The following SEL1L2 variants were observed in gnomAD, a reference collection of about 807,000 sequenced individuals.
SEL1L2 encodes SEL1L2 adaptor subunit of SYVN1 ubiquitin ligase, also known as protein sel-1 homolog 2.
In SEL1L2, 89 loss-of-function variants were observed where a neutral mutation model predicts 98.8. The ratio of observed to expected loss-of-function variants is 0.90; its 90% confidence interval spans 0.76 to 1.07. The LOEUF is 1.07. Ranked by LOEUF, SEL1L2 falls within the 50% of genes least tolerant of loss-of-function variation. The pLI, the probability that SEL1L2 is intolerant of heterozygous loss-of-function variation, is 0.00. For missense variants in SEL1L2, 788 were observed against 812.0 expected (o/e 0.97, Z 0.36); for synonymous variants, 262 against 278.5 (o/e 0.94, Z 0.59).
At chr20:13,949,985 A>G (rs186047235) in intron 2 of SEL1L2, among the ~76,000 whole-genome samples, 3 of 152,328 alleles carry the variant, frequency 2.0e-5, no homozygotes, top group Non-Finnish European at 2.9e-5. Flanking sequence ...ATGAACTATG[A>G]TTACATATTT....
chr20:13,870,737 A>G (rs1379937588), intron 12 of SEL1L2, among the ~76,000 whole-genome samples: 4 of 152,126 alleles, frequency 2.6e-5, no homozygotes, highest in Non-Finnish European at 5.9e-5. Flanking sequence ...ATCCTGGCCA[A>G]CATGGTGAAA....
intron 1 of SEL1L2, among the ~76,000 whole-genome samples, chr20:13,964,467 T>TC (rs35361048): frequency 2.1e-5 from 3 of 145,932 alleles, no homozygotes; most frequent in Admixed American, 6.9e-5. Flanking sequence ...TTTTTTTTTT[T>TC]CTGAGACAGA....
At chr20:13,859,538 T>C (rs1035681520) in intron 17 of SEL1L2, 104 bp from the exon 18 acceptor site, 8 of 994,786 alleles carry the variant, frequency 8.0e-6, no homozygotes, top group African/African-American at 4.9e-5. Context: ...AAAATATATA[T>C]GTATCTATAG....
intron 4 of SEL1L2, among the ~76,000 whole-genome samples, chr20:13,917,773 T>C (rs1331808159): frequency 6.7e-6 from 1 of 148,554 alleles, no homozygotes; most frequent in African/African-American, 2.5e-5. Context: ...ATACTTTCTT[T>C]ATTTCTTTCT....
intron 1 of SEL1L2, among the ~76,000 whole-genome samples, chr20:13,973,624 C>T (rs550672874): frequency 4.6e-5 from 7 of 152,274 alleles, no homozygotes; most frequent in Non-Finnish European, 8.8e-5. Flanking sequence ...GCACAAATGC[C>T]GACCACAAAT....
At chr20:13,892,946 GT>G (rs2047266518) in intron 5 of SEL1L2, among the ~76,000 whole-genome samples, 1 of 152,160 alleles carries the variant, frequency 6.6e-6, no homozygotes, top group Non-Finnish European at 1.5e-5. Context: ...TGAAGAAATG[GT>G]CACACTTTCT....
chr20:13,958,732 C>T (rs1011524078), intron 1 of SEL1L2, among the ~76,000 whole-genome samples: 9 of 151,156 alleles, frequency 6.0e-5, no homozygotes, highest in Admixed American at 3.3e-4. Flanking sequence ...GTCAGGAGAT[C>T]GAGACCATCC....
intron 1 of SEL1L2, among the ~76,000 whole-genome samples, chr20:13,987,309 CTGTTT>C (rs2052250303): frequency 1.3e-5 from 1 of 76,246 alleles, no homozygotes; most frequent in East Asian, 3.9e-4. Flanking sequence ...TGTTAATTTA[CTGTTT>C]TTTTTTTTTT....
chr20:13,885,990 T>C (rs868768759), intron 9 of SEL1L2, among the ~76,000 whole-genome samples: 114 of 152,028 alleles, frequency 7.5e-4, no homozygotes, highest in African/African-American at 2.7e-3. Flanking sequence ...TGAGCCGAGA[T>C]TGTGCCACTG....
chr20:13,943,582 A>T (rs1369265962), intron 2 of SEL1L2, among the ~76,000 whole-genome samples: 1 of 152,000 alleles, frequency 6.6e-6, no homozygotes, highest in Non-Finnish European at 1.5e-5. Context: ...TTGCTAAATG[A>T]CATTCATTCA....
At chr20:13,992,805 C>T (rs1227693863), upstream of SEL1L2, among the ~76,000 whole-genome samples, 1 of 152,058 alleles carries the variant, frequency 6.6e-6, no homozygotes, top group African/African-American at 2.4e-5. Flanking sequence ...AAGATGGCTA[C>T]CTTCTTGCTG....
chr20:13,948,446 T>C (rs976774993), intron 2 of SEL1L2, among the ~76,000 whole-genome samples: 14 of 152,126 alleles, frequency 9.2e-5, no homozygotes, highest in Admixed American at 7.8e-4. Context: ...AGCCCAGAAA[T>C]AAAGCTTCTC....
At chr20:13,964,721 T>A (rs951000226) in intron 1 of SEL1L2, among the ~76,000 whole-genome samples, 7 of 152,126 alleles carry the variant, frequency 4.6e-5, no homozygotes, top group Non-Finnish European at 7.4e-5. Flanking sequence ...TCCAAAGTGC[T>A]GGCGGCCATC....
chr20:13,939,161 A>C (rs1044301840), intron 2 of SEL1L2, among the ~76,000 whole-genome samples: 1 of 149,966 alleles, frequency 6.7e-6, no homozygotes, highest in African/African-American at 2.5e-5. Flanking sequence ...CTCCTGCCTC[A>C]GCCTCCTGAG....
chr20:13,994,364 G>A (rs779016334), upstream of SEL1L2, among the ~76,000 whole-genome samples: 174 of 148,356 alleles, frequency 1.2e-3, no homozygotes, highest in Non-Finnish European at 1.5e-3. Flanking sequence ...TCATCCTTAT[G>A]AGAGTGTCCT....
chr20:13,861,400 C>A (rs1600485484), intron 17 of SEL1L2, among the ~76,000 whole-genome samples: 1 of 151,900 alleles, frequency 6.6e-6, no homozygotes, highest in East Asian at 1.9e-4. Context: ...CCCAATTCAG[C>A]CTCCCAAAGT....
At chr20:13,878,874 A>T (rs2046560559) in intron 10 of SEL1L2, among the ~76,000 whole-genome samples, 1 of 152,360 alleles carries the variant, frequency 6.6e-6, no homozygotes, top group Non-Finnish European at 1.5e-5. Context: ...TATAAACAGC[A>T]GTGAGATAGT....
At chr20:13,852,686 G>C (rs1388542792) in intron 18 of SEL1L2, among the ~76,000 whole-genome samples, 1 of 152,178 alleles carries the variant, frequency 6.6e-6, no homozygotes, top group African/African-American at 2.4e-5. Context: ...CTTGTTAAAA[G>C]AACATGTTTT....
intron 5 of SEL1L2, among the ~76,000 whole-genome samples, chr20:13,906,803 C>T (rs1009552129): frequency 2.0e-4 from 31 of 152,254 alleles, no homozygotes; most frequent in African/African-American, 7.0e-4. Context: ...CTCGGCCTCC[C>T]AAGTAGCTGG....
Sources: allele counts gnomAD v4.1 joint callset (sites outside exome capture counted in the v4.1 genomes callset), GRCh38; gene constraint gnomAD v4.1.1; transcripts MANE v1.5; gene names NCBI Gene and HGNC (gene_info 2026-07-23, HGNC 2026-07-21).